The following FOXP1 variants were observed in gnomAD, a reference collection of about 807,000 sequenced individuals.
FOXP1 encodes the protein forkhead box P1.
FOXP1 carries 15 observed loss-of-function variants against 98.2 expected under a neutral mutation model. The ratio of observed to expected loss-of-function variants is 0.15; its 90% CI spans 0.10 to 0.24. FOXP1 has a LOEUF of 0.24. Ranked by LOEUF, FOXP1 falls within the 10% of genes least tolerant of loss-of-function variation. FOXP1 has a pLI of 1.00. For synonymous variants in FOXP1, 371 were observed against 314.5 expected, an observed-to-expected ratio of 1.18 and a Z score of -1.90; for missense variants, 633 against 848.5, an observed-to-expected ratio of 0.75 and a Z score of 3.15.
At chr3:70,984,769 C>T (rs1019204032) in intron 14 of FOXP1, among the ~76,000 whole-genome samples, 2 of 152,042 alleles carry the variant, frequency 1.3e-5, no homozygotes, top group African/African-American at 4.8e-5. Flanking sequence ...ATGGGAAGCC[C>T]GTGAGCTCCT....
chr3:71,476,683 T>G, intron 3 of FOXP1, among the ~76,000 whole-genome samples: 1 of 151,166 alleles, frequency 6.6e-6, no homozygotes. Flanking sequence ...TTTTGTATTT[T>G]TGTACAGATG....
intron 4 of FOXP1, among the ~76,000 whole-genome samples, chr3:71,308,801 GT>G (rs1560283238): frequency 2.7e-4 from 38 of 140,388 alleles, no homozygotes; most frequent in African/African-American, 9.3e-4. Context: ...GTGTGTGTGT[GT>G]GTGTGGGTGA....
intron 6 of FOXP1, among the ~76,000 whole-genome samples, chr3:71,197,031 T>A (rs924745299): frequency 6.6e-6 from 1 of 152,204 alleles, no homozygotes; most frequent in Non-Finnish European, 1.5e-5. Flanking sequence ...AATCATTCCT[T>A]ATTCCTTAAA....
At chr3:71,047,541 C>T (rs2049198376) in intron 9 of FOXP1, among the ~76,000 whole-genome samples, 1 of 152,208 alleles carries the variant, frequency 6.6e-6, no homozygotes, top group Non-Finnish European at 1.5e-5. Context: ...CTGTTTATCA[C>T]TTCTGACATA....
chr3:71,306,631 CAAAAAAAAAAAAAA>C (rs66479255), intron 4 of FOXP1, among the ~76,000 whole-genome samples: 11 of 42,854 alleles, frequency 2.6e-4, no homozygotes, highest in Admixed American at 1.0e-3. Context: ...GAGAATAAGC[CAAAAAAAAAAAAAA>C]AAAAAAAAAA....
intron 2 of FOXP1, among the ~76,000 whole-genome samples, chr3:71,528,640 A>G (rs145605799): frequency 6.6e-6 from 1 of 152,348 alleles, no homozygotes; most frequent in African/African-American, 2.4e-5. Flanking sequence ...TAGAGGGTAC[A>G]TTCTGAAGAA....
At chr3:71,152,900 C>T (rs2060639910) in intron 6 of FOXP1, among the ~76,000 whole-genome samples, 1 of 152,152 alleles carries the variant, frequency 6.6e-6, no homozygotes, top group African/African-American at 2.4e-5. Flanking sequence ...TCTGAGCTGC[C>T]TTCCCATTCT....
At chr3:71,303,016 A>G (rs1255952484) in intron 4 of FOXP1, among the ~76,000 whole-genome samples, 1 of 152,190 alleles carries the variant, frequency 6.6e-6, no homozygotes, top group African/African-American at 2.4e-5. Context: ...TCTGTGTGAC[A>G]TATAATACAC....
At chr3:71,053,519 T>G in intron 8 of FOXP1, 117 bp downstream of exon 8, 1 of 1,286,276 alleles carries the variant, frequency 7.8e-7, no homozygotes, top group Non-Finnish European at 1.1e-6. Context: ...CCACCCACGC[T>G]GCTTTACTCT....
intron 7 of FOXP1, among the ~76,000 whole-genome samples, chr3:71,066,119 A>G (rs907080338): frequency 1.3e-5 from 2 of 151,932 alleles, no homozygotes; most frequent in Non-Finnish European, 2.9e-5. Flanking sequence ...AAAGGCAACA[A>G]AATCTGACCC....
Position 71,043,143 on chromosome 3 carries a change from A to G in FOXP1, c.665-1611T>C, listed in dbSNP as rs567349812. On this transcript the variant is annotated intron_variant, in intron 10 of 20. Transcript: ENST00000649528. Reference sequence around the variant, plus strand: ...CTCCACGAAAATGTTCAAATGCTCAAGCATTTGCAATTAATATATATTATA... The same window carrying G: ...CTCCACGAAAATGTTCAAATGCTCAGGCATTTGCAATTAATATATATTATA... 4.6e-5 allele frequency among the ~76,000 whole-genome samples: 7 copies of G among 152,338 alleles called. No individual in the cohort carries two copies. In the South Asian group the frequency reaches 1.4e-3, roughly 32 times the overall value.
At chr3:71,472,521 C>A (rs949863634) in intron 3 of FOXP1, among the ~76,000 whole-genome samples, 1 of 151,912 alleles carries the variant, frequency 6.6e-6, no homozygotes, top group African/African-American at 2.4e-5. Context: ...CTCTGATACA[C>A]GCTATTTCAC....
At chr3:71,551,489 G>A (rs2045773661) in intron 2 of FOXP1, among the ~76,000 whole-genome samples, 1 of 152,116 alleles carries the variant, frequency 6.6e-6, no homozygotes, top group Non-Finnish European at 1.5e-5. Context: ...AATAAATGTG[G>A]CAATGGCCTG....
At chr3:71,298,414 G>A (rs770405423) in intron 5 of FOXP1, among the ~76,000 whole-genome samples, 2 of 151,834 alleles carry the variant, frequency 1.3e-5, no homozygotes, top group African/African-American at 2.4e-5. Flanking sequence ...GCAGTGAGCC[G>A]AGATCCCGCC....
intron 6 of FOXP1, among the ~76,000 whole-genome samples, chr3:71,173,181 A>G (rs1452846414): frequency 6.6e-6 from 1 of 152,080 alleles, no homozygotes; most frequent in African/African-American, 2.4e-5. Flanking sequence ...CTATTGCCTA[A>G]GAAAATGAGT....
intron 3 of FOXP1, among the ~76,000 whole-genome samples, chr3:71,434,554 T>C (rs1326029957): frequency 1.3e-5 from 2 of 152,056 alleles, no homozygotes; most frequent in African/African-American, 4.8e-5. Flanking sequence ...AAAAACACTA[T>C]ATAGCCTTCC....
chr3:71,254,188 C>T (rs996716179), intron 5 of FOXP1, among the ~76,000 whole-genome samples: 1 of 152,192 alleles, frequency 6.6e-6, no homozygotes, highest in African/African-American at 2.4e-5. Context: ...TTCCTCCCCC[C>T]TAACTTCCTA....
chr3:70,979,533 A>T (rs1488576310), intron 14 of FOXP1, among the ~76,000 whole-genome samples: 1 of 152,002 alleles, frequency 6.6e-6, no homozygotes. Flanking sequence ...CCCACCCTAA[A>T]ATCCAATAAA....
intron 17 of FOXP1, among the ~76,000 whole-genome samples, chr3:70,976,251 G>C (rs149467973): frequency 7.9e-5 from 12 of 151,960 alleles, no homozygotes; most frequent in Non-Finnish European, 1.6e-4. Flanking sequence ...ACAGGGTCTC[G>C]CTACGTTGCC....
Sources: gnomAD v4.1 joint callset for allele counts (sites outside exome capture counted in the v4.1 genomes callset) on GRCh38, gnomAD v4.1.1 for gene constraint, MANE v1.5 for transcripts, NCBI Gene and HGNC (gene_info 2026-07-23, HGNC 2026-07-21) for gene names.